The following RFX8 variants were observed in gnomAD, a reference collection of about 807,000 sequenced individuals.
The protein encoded by RFX8 is regulatory factor X8, also known as DNA-binding protein RFX8.
RFX8 carries 46 observed loss-of-function variants against 54.6 expected under a neutral mutation model. The observed-to-expected ratio is 0.84, with a 90% CI of 0.67 to 1.08. The LOEUF (loss-of-function observed/expected upper bound fraction) is 1.08, where lower values mean the gene tolerates loss of function less well. Ranked by LOEUF, RFX8 falls within the 50% of genes least tolerant of loss-of-function variation. RFX8 has a pLI of 0.00. For missense variants in RFX8, 536 were observed against 562.3 expected, an observed-to-expected ratio of 0.95 and a Z score of 0.47; for synonymous variants, 192 against 209.5, an observed-to-expected ratio of 0.92 and a Z score of 0.72.
intron 2 of RFX8, among the ~76,000 whole-genome samples, chr2:101,446,329 C>T (rs1013379811): frequency 6.6e-6 from 1 of 152,130 alleles, no homozygotes; most frequent in African/African-American, 2.4e-5. Flanking sequence ...GCACGTGCCA[C>T]CACACCTGGC....
At chr2:101,466,149 G>C (rs541900286) in intron 2 of RFX8, among the ~76,000 whole-genome samples, 1 of 152,188 alleles carries the variant, frequency 6.6e-6, no homozygotes, top group South Asian at 2.1e-4. Context: ...CACATCCCTT[G>C]ATGTCACTCA....
chr2:101,419,234 C>A (rs1686716437), intron 4 of RFX8, among the ~76,000 whole-genome samples: 1 of 152,148 alleles, frequency 6.6e-6, no homozygotes, highest in Admixed American at 6.5e-5. Flanking sequence ...CTGTTTCTGA[C>A]CACAAGGGGG....
intron 11 of RFX8, among the ~76,000 whole-genome samples, chr2:101,401,386 A>G (rs945950471): frequency 6.6e-6 from 1 of 152,138 alleles, no homozygotes; most frequent in African/African-American, 2.4e-5. Flanking sequence ...CAAGAAGGAA[A>G]GGGCCCTGGA....
chr2:101,411,232 C>G (rs1359268604), intron 8 of RFX8, among the ~76,000 whole-genome samples: 1 of 152,228 alleles, frequency 6.6e-6, no homozygotes, highest in East Asian at 1.9e-4. Context: ...AGGGAAAGAA[C>G]AGCCTTTGGC....
chr2:101,432,623 G>C (rs2104616654), intron 2 of RFX8, among the ~76,000 whole-genome samples: 1 of 152,274 alleles, frequency 6.6e-6, no homozygotes, highest in African/African-American at 2.4e-5. Flanking sequence ...GTGTCTTTGG[G>C]CTCACTGCCC....
At chr2:101,406,172 A>G (rs1685724064) in intron 9 of RFX8, 115 bp from the exon 10 acceptor site, 2 of 590,700 alleles carry the variant, frequency 3.4e-6, no homozygotes, top group Non-Finnish European at 5.9e-6. Context: ...GCCAAAGAAG[A>G]GGAAGATGAA....
chr2:101,468,993 TATATATATAC>T (rs1324911179), intron 1 of RFX8, among the ~76,000 whole-genome samples: 11 of 28,420 alleles, frequency 3.9e-4, no homozygotes, highest in South Asian at 1.5e-3. Flanking sequence ...TATATATAAG[TATATATATAC>T]GTATATATAT....
chr2:101,413,895 G>C (rs1686320185), intron 7 of RFX8, among the ~76,000 whole-genome samples: 1 of 152,084 alleles, frequency 6.6e-6, no homozygotes, highest in African/African-American at 2.4e-5. Flanking sequence ...GGGAGGATGG[G>C]GCCCAGCTCG....
At chr2:101,459,563 T>A (rs1230238125) in intron 2 of RFX8, among the ~76,000 whole-genome samples, 1 of 152,136 alleles carries the variant, frequency 6.6e-6, no homozygotes, top group Non-Finnish European at 1.5e-5. Context: ...ACAGCAAATA[T>A]CACAGAATAG....
intron 2 of RFX8, among the ~76,000 whole-genome samples, chr2:101,439,041 G>A (rs1238954494): frequency 6.6e-6 from 1 of 152,132 alleles, no homozygotes; most frequent in Non-Finnish European, 1.5e-5. Context: ...TTGAACTCCT[G>A]ACCTCAGGTG....
intron 2 of RFX8, among the ~76,000 whole-genome samples, chr2:101,463,469 T>G (rs1192212490): frequency 6.6e-6 from 1 of 152,154 alleles, no homozygotes; most frequent in East Asian, 1.9e-4. Flanking sequence ...ATCCACCCTC[T>G]GTGCAGGCTG....
At chr2:101,424,280 C>T (rs1469444796) in intron 2 of RFX8, among the ~76,000 whole-genome samples, 2 of 152,180 alleles carry the variant, frequency 1.3e-5, no homozygotes, top group Admixed American at 1.3e-4. Context: ...CTCATCATCA[C>T]TGGTCATCAA....
chr2:101,454,015 AT>A (rs1279273995), intron 2 of RFX8, among the ~76,000 whole-genome samples: 1 of 152,144 alleles, frequency 6.6e-6, no homozygotes, highest in East Asian at 1.9e-4. Context: ...TGTCATTTAC[AT>A]TAGGTATTTC....
chr2:101,450,950 A>C (rs1688640947), intron 2 of RFX8, among the ~76,000 whole-genome samples: 1 of 152,132 alleles, frequency 6.6e-6, no homozygotes. Context: ...TCTTAGAGAG[A>C]TGTGATAGGG....
At chr2:101,413,101 A>C in intron 7 of RFX8, 30 bp from the exon 8 acceptor site, 1 of 1,531,450 alleles carries the variant, frequency 6.5e-7, no homozygotes, top group Non-Finnish European at 8.8e-7. Flanking sequence ...ATAATACTTA[A>C]TTCAATCTGG....
intron 4 of RFX8, chr2:101,421,115 C>T: frequency 3.1e-6 from 1 of 317,858 alleles, no homozygotes; most frequent in Non-Finnish European, 4.5e-6. Flanking sequence ...AGTAAATGCG[C>T]TCGTGCTGAA....
At chr2:101,470,042 A>G (rs1689888384) in intron 1 of RFX8, among the ~76,000 whole-genome samples, 1 of 152,064 alleles carries the variant, frequency 6.6e-6, no homozygotes, top group Non-Finnish European at 1.5e-5. Flanking sequence ...CAGTAACTGG[A>G]CAAGCAGAAG....
At position 101,466,816 on chromosome 2, in the gene RFX8, T is replaced by G. The variant is rs1223252664; in HGVS notation, c.33A>C (p.Gln11His). 3 of 1,551,598 alleles carry G rather than the reference T, an allele frequency of 1.9e-6. No homozygotes were observed. The highest frequency in any genetic ancestry group is 2.6e-6 in the Non-Finnish European group (3 of 1,146,970). ...CCGGGTTGACTTGGTTCTCAGTGTTTTGCCCACAGGTCTCCACGTAAATCT... is the reference window on the plus strand; with the variant it reads ...CCGGGTTGACTTGGTTCTCAGTGTTGTGCCCACAGGTCTCCACGTAAATCT... MYEIYVETCGQNTENQVNPAT... is the reference protein window; with the variant it reads MYEIYVETCGHNTENQVNPAT... The change falls in exon 2 of 12, where the codon CAA becomes CAC. Residue 11 changes from glutamine to histidine, a missense_variant. Gln to His is a conservative substitution (Grantham distance 24, BLOSUM62 0). Transcript: ENST00000428343.
chr2:101,408,447 T>C (rs1033679975), intron 9 of RFX8, among the ~76,000 whole-genome samples: 3 of 150,624 alleles, frequency 2.0e-5, no homozygotes, highest in Admixed American at 6.6e-5. Context: ...ATCGCGCCAC[T>C]GCACTCCAGC....
Sources: gnomAD v4.1 joint callset for allele counts (sites outside exome capture counted in the v4.1 genomes callset) on GRCh38, gnomAD v4.1.1 for gene constraint, MANE v1.5 for transcripts, NCBI Gene and HGNC (gene_info 2026-07-23, HGNC 2026-07-21) for gene names.